Variants in TENM2 observed in about 807,000 individuals in gnomAD.
TENM2 encodes teneurin transmembrane protein 2, also known as teneurin-2.
TENM2 carries 52 observed loss-of-function variants against 245.2 expected under a neutral mutation model. The ratio of observed to expected loss-of-function variants is 0.21; its 90% confidence interval spans 0.17 to 0.27. The LOEUF (loss-of-function observed/expected upper bound fraction) is 0.27, where lower values mean the gene tolerates loss of function less well. TENM2 is among the 10% of genes least tolerant of loss of function. The pLI, the probability that TENM2 is intolerant of heterozygous loss-of-function variation, is 1.00. For missense variants in TENM2, 3,046 were observed against 3,666.8 expected (o/e 0.83, Z 4.37); for synonymous variants, 1,363 against 1,438.9 (o/e 0.95, Z 1.19).
intron 3 of TENM2, among the ~76,000 whole-genome samples, chr5:167,921,146 G>A (rs779487974): frequency 4.6e-5 from 7 of 152,152 alleles, no homozygotes; most frequent in South Asian, 2.1e-4. Flanking sequence ...TACTGGCAGC[G>A]TCTTCATCTT....
chr5:167,373,473 C>A (rs1416582021), intron 1 of TENM2, among the ~76,000 whole-genome samples: 1 of 152,116 alleles, frequency 6.6e-6, no homozygotes, highest in African/African-American at 2.4e-5. Context: ...CCACTCATAG[C>A]AGAGAAGTAC....
the TENM2 span, among the ~76,000 whole-genome samples, chr5:167,144,286 A>T: frequency 6.6e-6 from 1 of 152,298 alleles, no homozygotes; most frequent in South Asian, 2.1e-4. Flanking sequence ...ACAATCACGG[A>T]TCTGAGGAGG....
chr5:168,221,153 T>C (rs1763638540), intron 23 of TENM2, among the ~76,000 whole-genome samples: 1 of 151,950 alleles, frequency 6.6e-6, no homozygotes, highest in African/African-American at 2.4e-5. Flanking sequence ...TGATTTGTCC[T>C]TCAGTGAGAG....
chr5:167,466,962 T>C (rs556966297), intron 2 of TENM2, among the ~76,000 whole-genome samples: 1 of 152,272 alleles, frequency 6.6e-6, no homozygotes, highest in South Asian at 2.1e-4. Flanking sequence ...AATCAAGGCA[T>C]GCAGCATACA....
intron 2 of TENM2, among the ~76,000 whole-genome samples, chr5:167,659,635 A>T (rs768045093): frequency 3.3e-5 from 5 of 152,206 alleles, no homozygotes; most frequent in African/African-American, 9.6e-5. Flanking sequence ...TAATCTGTGC[A>T]TCCACAGCAT....
chr5:168,158,850 T>TATATATATATATATACACACAC (rs1339051385), intron 12 of TENM2, among the ~76,000 whole-genome samples: 4 of 62,330 alleles, frequency 6.4e-5, no homozygotes, highest in East Asian at 8.4e-4. Flanking sequence ...TATATATATA[T>TATATATATATATATACACACAC]ACACACACAC....
intron 5 of TENM2, among the ~76,000 whole-genome samples, chr5:167,993,972 G>T (rs1308968771): frequency 6.6e-6 from 1 of 152,258 alleles, no homozygotes; most frequent in Admixed American, 6.5e-5. Flanking sequence ...GCGCCCAGGG[G>T]CAGGGTGCCA....
At position 167,906,654 on chromosome 5, in the gene TENM2, T is replaced by G. The variant is rs77106569; in HGVS notation, c.712+30459T>G. On this transcript the variant is annotated intron_variant, in intron 3 of 28. Transcript: ENST00000518659. ...CATCTGATGAAGGCAAGGAGTGTAC[T>G]CTGGGTGGGTACACAACTCCAGGGA... is the stretch of plus-strand genomic sequence containing the variant. Among the ~76,000 whole-genome samples the G allele has an allele frequency of 8.3e-3, 1,270 of 152,304 alleles. 16 individuals are homozygous for G. The highest frequency in any genetic ancestry group is 0.029 in the African/African-American group (1,190 of 41,562).
chr5:167,058,181 A>G, the TENM2 span, among the ~76,000 whole-genome samples: 1 of 152,128 alleles, frequency 6.6e-6, no homozygotes, highest in Admixed American at 6.5e-5. Flanking sequence ...CAGTGACTTC[A>G]AGGCTCTCTA....
At chr5:168,006,930 AAGAAATCAGGATGG>A (rs1474445579) in intron 5 of TENM2, among the ~76,000 whole-genome samples, 5 of 152,340 alleles carry the variant, frequency 3.3e-5, no homozygotes, top group Admixed American at 6.5e-5. Flanking sequence ...GCCAGGGATG[AAGAAATCAGGATGG>A]TTTGGGGTCG....
At chr5:167,757,572 A>G (rs1436109603) in intron 2 of TENM2, among the ~76,000 whole-genome samples, 3 of 152,188 alleles carry the variant, frequency 2.0e-5, no homozygotes, top group Non-Finnish European at 4.4e-5. Context: ...GTGTCTTTAT[A>G]GCAGAATGAT....
chr5:167,728,439 C>CTAAAAAA (rs1760180853), intron 2 of TENM2, among the ~76,000 whole-genome samples: 1 of 151,622 alleles, frequency 6.6e-6, no homozygotes, highest in Non-Finnish European at 1.5e-5. Context: ...CTCGTCTCTA[C>CTAAAAAA]TAAAAAATAA....
At chr5:167,921,223 G>A (rs1777345391) in intron 3 of TENM2, among the ~76,000 whole-genome samples, 2 of 152,130 alleles carry the variant, frequency 1.3e-5, no homozygotes, top group African/African-American at 4.8e-5. Flanking sequence ...GATAAATTAT[G>A]GAACAGACAT....
chr5:167,993,052 G>A (rs766197965), exon 5 of TENM2: 4 of 1,613,956 alleles, frequency 2.5e-6, no homozygotes, highest in South Asian at 1.1e-5. Flanking sequence ...CCCGCCTGCT[G>A]CCCAGGAATA....
intron 2 of TENM2, among the ~76,000 whole-genome samples, chr5:167,550,354 T>G (rs1039431823): frequency 3.3e-5 from 5 of 152,216 alleles, no homozygotes; most frequent in Admixed American, 2.6e-4. Flanking sequence ...TTTACATTAG[T>G]GCCAGTTTCT....
intron 12 of TENM2, among the ~76,000 whole-genome samples, chr5:168,158,394 G>T (rs998903399): frequency 1.3e-5 from 2 of 151,996 alleles, no homozygotes; most frequent in Non-Finnish European, 1.5e-5. Flanking sequence ...GATATAGTAC[G>T]CCCCGATTGT....
At chr5:167,563,769 G>A (rs1212903660) in intron 2 of TENM2, among the ~76,000 whole-genome samples, 3 of 152,108 alleles carry the variant, frequency 2.0e-5, no homozygotes, top group Non-Finnish European at 2.9e-5. Context: ...TAGACATGTT[G>A]AGATATTAAA....
the TENM2 span, among the ~76,000 whole-genome samples, chr5:167,080,997 T>C: frequency 6.6e-6 from 1 of 152,066 alleles, no homozygotes; most frequent in South Asian, 2.1e-4. Flanking sequence ...TCTGACTTTC[T>C]ACCATAATTT....
At chr5:168,142,583 C>G (rs1286597926) in intron 12 of TENM2, among the ~76,000 whole-genome samples, 6 of 152,190 alleles carry the variant, frequency 3.9e-5, no homozygotes, top group Non-Finnish European at 7.3e-5. Context: ...GCCCTGAAAG[C>G]AGCATGAGGC....
Sources: gnomAD v4.1 joint callset for allele counts (sites outside exome capture counted in the v4.1 genomes callset) on GRCh38, gnomAD v4.1.1 for gene constraint, MANE v1.5 for transcripts, NCBI Gene and HGNC (gene_info 2026-07-23, HGNC 2026-07-21) for gene names.